The following CALD1 variants were observed in gnomAD, a reference collection of about 807,000 sequenced individuals.
CALD1 encodes caldesmon 1, also known as caldesmon.
In CALD1, 33 loss-of-function variants were observed where a neutral mutation model predicts 99.9. That is an observed-to-expected ratio of 0.33 (90% CI 0.25 to 0.44). CALD1 has a LOEUF of 0.44. CALD1 is among the 20% of genes least tolerant of loss of function. CALD1 has a pLI of 1.00. For synonymous variants in CALD1, 310 were observed against 325.0 expected (o/e 0.95, Z 0.50); for missense variants, 861 against 962.1 (o/e 0.89, Z 1.39).
intron 1 of CALD1, among the ~76,000 whole-genome samples, chr7:134,819,129 G>A (rs761393153): frequency 1.5e-4 from 23 of 152,106 alleles, no homozygotes; most frequent in Non-Finnish European, 2.1e-4. Context: ...AGTAAGAACC[G>A]TCGTGAGGCC....
At chr7:134,964,450 G>A (rs142923861) in intron 13 of CALD1, among the ~76,000 whole-genome samples, 17 of 152,260 alleles carry the variant, frequency 1.1e-4, no homozygotes, top group Admixed American at 9.2e-4. Context: ...AAGCTGAGGC[G>A]AGAGTGAGCC....
At chr7:134,922,964 T>C (rs1440152172) in intron 3 of CALD1, among the ~76,000 whole-genome samples, 1 of 152,228 alleles carries the variant, frequency 6.6e-6, no homozygotes, top group East Asian at 1.9e-4. Flanking sequence ...CCTTAAGCAA[T>C]GGTTCCAGGA....
the CALD1 span, among the ~76,000 whole-genome samples, chr7:134,712,902 T>C: frequency 2.6e-5 from 4 of 152,152 alleles, no homozygotes; most frequent in Admixed American, 2.6e-4. Context: ...TGCCTGAAAA[T>C]AAACTTTATG....
chr7:134,741,455 G>A (rs972929987), upstream of CALD1, among the ~76,000 whole-genome samples: 24 of 152,026 alleles, frequency 1.6e-4, no homozygotes, highest in East Asian at 5.8e-4. Context: ...GATTTGGGTG[G>A]GGACACAGCC....
chr7:134,872,067 G>A (rs1869259), intron 3 of CALD1, among the ~76,000 whole-genome samples: 45,229 of 152,092 alleles, frequency 0.3, 7,635 homozygotes, highest in African/African-American at 0.47. Flanking sequence ...CAAACGTAGT[G>A]CATCAAAAAC....
chr7:134,800,562 A>T (rs1056083086), intron 1 of CALD1, among the ~76,000 whole-genome samples: 1 of 152,032 alleles, frequency 6.6e-6, no homozygotes, highest in African/African-American at 2.4e-5. Context: ...TTATTTACTT[A>T]TTACATAAAT....
chr7:134,967,804 A>T (rs1430285880), intron 14 of CALD1, among the ~76,000 whole-genome samples: 1 of 152,162 alleles, frequency 6.6e-6, no homozygotes, highest in Non-Finnish European at 1.5e-5. Flanking sequence ...AAGGAGAAAG[A>T]CAGGAAGAGG....
At chr7:134,901,451 A>G (rs532935920) in intron 3 of CALD1, among the ~76,000 whole-genome samples, 72 of 152,200 alleles carry the variant, frequency 4.7e-4, no homozygotes, top group African/African-American at 1.7e-3. Flanking sequence ...TAGGTGTTTC[A>G]CAATAATTAT....
At chr7:134,776,746 A>G (rs1236711286), upstream of CALD1, among the ~76,000 whole-genome samples, 1 of 152,196 alleles carries the variant, frequency 6.6e-6, no homozygotes, top group Non-Finnish European at 1.5e-5. Context: ...TAGGCATTTT[A>G]AGGTGGAAGG....
intron 1 of CALD1, among the ~76,000 whole-genome samples, chr7:134,819,710 G>A (rs1200203322): frequency 6.6e-6 from 1 of 152,088 alleles, no homozygotes; most frequent in African/African-American, 2.4e-5. Context: ...ATGACTATAC[G>A]TAAACCCTCT....
At chr7:134,871,460 A>C (rs1325902688) in intron 3 of CALD1, among the ~76,000 whole-genome samples, 1 of 152,222 alleles carries the variant, frequency 6.6e-6, no homozygotes, top group Admixed American at 6.5e-5. Context: ...TACAAGCTCT[A>C]TTTTGGGTAC....
intron 1 of CALD1, among the ~76,000 whole-genome samples, chr7:134,780,338 T>C (rs976516316): frequency 1.3e-5 from 2 of 152,214 alleles, no homozygotes; most frequent in African/African-American, 2.4e-5. Flanking sequence ...GTTGGGTTAA[T>C]GTCACTGATG....
chr7:134,869,498 A>G (rs547251996), intron 3 of CALD1, among the ~76,000 whole-genome samples: 2 of 152,322 alleles, frequency 1.3e-5, no homozygotes, highest in South Asian at 4.1e-4. Flanking sequence ...ATGAAGAAAG[A>G]TCAAATATGA....
At chr7:134,852,450 T>C (rs1253852088) in intron 2 of CALD1, among the ~76,000 whole-genome samples, 1 of 152,146 alleles carries the variant, frequency 6.6e-6, no homozygotes, top group Non-Finnish European at 1.5e-5. Flanking sequence ...AGAAACAAGA[T>C]GGTGGTATGT....
chr7:134,789,018 A>G (rs1797416017), intron 1 of CALD1, among the ~76,000 whole-genome samples: 2 of 118,980 alleles, frequency 1.7e-5, no homozygotes. Flanking sequence ...CTGTCTCAGA[A>G]AAAAACAAAA....
At position 134,933,349 on chromosome 7, in the gene CALD1, G is replaced by A. The variant is rs750777530; in HGVS notation, c.580G>A (p.Glu194Lys). 6 of 1,604,468 alleles carry A rather than the reference G, an allele frequency of 3.7e-6. No individual in the cohort carries two copies. Among genetic ancestry groups the A allele is most frequent in the Admixed American group, 3.4e-5 (2 of 59,340 alleles). ...KKEDKEKEEE[E>K]EEKPKRGSIG... ...AGAAGACAAGGAAAAGGAGGAGGAG[G>A]AAGAGGAGAAGCCAAAGCGAGGGAG... Residue 194 changes from glutamate to lysine, a missense_variant, in exon 5 of 15, where the codon GAA becomes AAA. By Grantham distance (56) the Glu-to-Lys change is moderately conservative (BLOSUM62 1). Coordinates refer to ENST00000361675, the MANE Select transcript of CALD1 (RefSeq NM_033138.4).
intron 3 of CALD1, among the ~76,000 whole-genome samples, chr7:134,868,847 G>A: frequency 6.6e-6 from 1 of 152,254 alleles, no homozygotes; most frequent in African/African-American, 2.4e-5. Context: ...CAAGCTGTGT[G>A]GCCCTGAGCA....
chr7:134,936,923 A>G (rs1806026201), intron 6 of CALD1, among the ~76,000 whole-genome samples: 2 of 152,246 alleles, frequency 1.3e-5, no homozygotes. Flanking sequence ...AGTCAAGGAA[A>G]TCATTCATTG....
intron 3 of CALD1, among the ~76,000 whole-genome samples, chr7:134,911,198 CTTTTT>C (rs964515625): frequency 1.7e-5 from 2 of 118,120 alleles, no homozygotes; most frequent in Middle Eastern, 4.3e-3. Flanking sequence ...TTTCCTTTTT[CTTTTT>C]TTTTTTTTTT....
Sources: gnomAD v4.1 joint callset for allele counts (sites outside exome capture counted in the v4.1 genomes callset) on GRCh38, gnomAD v4.1.1 for gene constraint, MANE v1.5 for transcripts, NCBI Gene and HGNC (gene_info 2026-07-23, HGNC 2026-07-21) for gene names.